NTAN1: variants seen among roughly 807,000 people sequenced by gnomAD.
The protein encoded by NTAN1 is protein N-terminal asparagine amidohydrolase.
A neutral mutation model predicts 41.9 loss-of-function variants in NTAN1; 32 were observed. That is an observed-to-expected ratio of 0.76 (90% confidence interval 0.58 to 1.03). The LOEUF (loss-of-function observed/expected upper bound fraction) is 1.03. Ranked by LOEUF, NTAN1 falls within the 50% of genes least tolerant of loss-of-function variation. NTAN1 has a pLI of 0.00. For missense variants in NTAN1, 377 were observed against 377.5 expected (o/e 1.00, Z 0.01); for synonymous variants, 140 against 139.5 (o/e 1.00, Z -0.03).
chr16:15,041,862 C>G (rs1293971208), intron 5 of NTAN1, among the ~76,000 whole-genome samples, 186 bp from the exon 6 acceptor site: 1 of 152,216 alleles, frequency 6.6e-6, no homozygotes, highest in African/African-American at 2.4e-5. Context: ...CCACAGAACC[C>G]TGACCGCCAG....
intron 1 of NTAN1, among the ~76,000 whole-genome samples, chr16:15,053,561 T>C (rs970169828): frequency 6.6e-6 from 1 of 152,232 alleles, no homozygotes; most frequent in Non-Finnish European, 1.5e-5. Flanking sequence ...CATACTTTTT[T>C]TTCTGTATTA....
intron 1 of NTAN1, among the ~76,000 whole-genome samples, chr16:15,050,542 G>T (rs1478289654): frequency 1.3e-5 from 2 of 152,108 alleles, no homozygotes; most frequent in Non-Finnish European, 2.9e-5. Context: ...AAACCAGCCT[G>T]GGCAACAAGG....
intron 1 of NTAN1, among the ~76,000 whole-genome samples, chr16:15,050,731 CA>C (rs758597516): frequency 8.4e-4 from 109 of 129,598 alleles, no homozygotes; most frequent in Middle Eastern, 3.9e-3. Context: ...GACCCTGCCT[CA>C]AAAAAAAAAA....
intron 4 of NTAN1, 116 bp from the exon 5 acceptor site, chr16:15,044,523 A>G (rs979987409): frequency 2.7e-6 from 2 of 736,158 alleles, no homozygotes; most frequent in Non-Finnish European, 4.8e-6. Flanking sequence ...GCAGAGCTGC[A>G]GGTCATCTTC....
chr16:15,038,754 C>T (rs953522416), intron 8 of NTAN1, 67 bp from the exon 9 acceptor site: 18 of 830,786 alleles, frequency 2.2e-5, no homozygotes, highest in Non-Finnish European at 2.9e-5. Context: ...CTCCCAGTAA[C>T]GCAAGCTCCA....
rs746080236 is a variant in NTAN1, at chr16:15,048,007, G to A, written c.174C>T (p.Ser58=). 6.2e-7 allele frequency: 1 copy of A among 1,611,250 alleles called. No individual in the cohort carries two copies. Among genetic ancestry groups the A allele is most frequent in the East Asian group, 2.2e-5 (1 of 44,876 alleles). Residue 58 remains serine, a synonymous_variant, in exon 2 of 10, where the codon TCC becomes TCT. Transcript: ENST00000287706. The part of the protein sequence containing the change: ...YVQQRELAVT[S]PKDGSISILG... ...TGCTTCCTAACCTACCATCCTTTGG[G>A]GAGGTCACTGCAAGCTCTCTTTGCT...
chr16:15,048,589 C>T (rs1315731062), intron 1 of NTAN1, among the ~76,000 whole-genome samples: 2 of 152,088 alleles, frequency 1.3e-5, no homozygotes, highest in African/African-American at 2.4e-5. Context: ...TCAGATTACA[C>T]AGGAATAGTG....
At chr16:15,038,721 G>C in intron 8 of NTAN1, 34 bp from the exon 9 acceptor site, 1 of 1,208,450 alleles carries the variant, frequency 8.3e-7, no homozygotes, top group South Asian at 1.3e-5. Context: ...AGAATTTCAG[G>C]AATGTCACCC....
At chr16:15,048,851 T>C (rs1254113654) in intron 1 of NTAN1, among the ~76,000 whole-genome samples, 1 of 149,688 alleles carries the variant, frequency 6.7e-6, no homozygotes, top group Non-Finnish European at 1.5e-5. Flanking sequence ...CTCAAACTCC[T>C]GGGCTCAAGC....
intron 1 of NTAN1, among the ~76,000 whole-genome samples, chr16:15,050,378 T>A (rs2044247881): frequency 6.6e-6 from 1 of 152,216 alleles, no homozygotes; most frequent in Non-Finnish European, 1.5e-5. Flanking sequence ...GTCTTAGTCT[T>A]CTATCAGCTT....
At chr16:15,038,285 C>G (rs753980654) in intron 9 of NTAN1, 75 bp from the exon 10 acceptor site, 7 of 1,069,510 alleles carry the variant, frequency 6.5e-6, no homozygotes, top group Non-Finnish European at 9.6e-6. Flanking sequence ...GTCAAAGTAT[C>G]TTTGTTCTTG....
chr16:15,048,394 G>C (rs989740991), intron 1 of NTAN1, among the ~76,000 whole-genome samples: 1 of 152,126 alleles, frequency 6.6e-6, no homozygotes, highest in Non-Finnish European at 1.5e-5. Context: ...TTGTTTGTTT[G>C]TTTTTTAAAG....
chr16:15,041,054 T>A lies in NTAN1; in HGVS notation c.541+14A>T. 2 of 1,579,582 alleles carry A rather than the reference T, an allele frequency of 1.3e-6. No homozygotes were observed. Among genetic ancestry groups the A allele is most frequent in the East Asian group, 2.2e-5 (1 of 44,750 alleles). The stretch of plus-strand genomic sequence containing the variant: ...GACCAAGACTCCAACCCACAAAAGA[T>A]GCACACTACTTACCAATGCCATATA... On this transcript the variant is annotated intron_variant, in intron 7 of 9. Coordinates refer to ENST00000287706, the MANE Select transcript of NTAN1 (RefSeq NM_173474.4).
At chr16:15,045,855 CT>C (rs1378380357) in intron 4 of NTAN1, 2 of 152,242 alleles carry the variant, frequency 1.3e-5, no homozygotes, top group African/African-American at 2.4e-5. Context: ...GACACAAAAT[CT>C]TCCTAAGGGA....
chr16:15,039,233 T>C (rs2043693290), intron 8 of NTAN1, among the ~76,000 whole-genome samples: 2 of 152,192 alleles, frequency 1.3e-5, no homozygotes, highest in Admixed American at 1.3e-4. Context: ...CACTGAAATA[T>C]GTTCTGAATA....
intron 5 of NTAN1, 143 bp downstream of exon 5, chr16:15,044,191 C>T (rs555437995): frequency 2.8e-4 from 176 of 626,750 alleles, no homozygotes; most frequent in Non-Finnish European, 4.8e-4. Flanking sequence ...TGTGAAATTC[C>T]AAGCTGGGCA....
chr16:15,052,179 T>TA (rs2044319210), intron 1 of NTAN1, among the ~76,000 whole-genome samples: 1 of 152,242 alleles, frequency 6.6e-6, no homozygotes, highest in African/African-American at 2.4e-5. Flanking sequence ...TCAACTCTGC[T>TA]GTTATTATGA....
At chr16:15,049,067 T>C (rs1034841678) in intron 1 of NTAN1, among the ~76,000 whole-genome samples, 1 of 147,458 alleles carries the variant, frequency 6.8e-6, no homozygotes, top group Non-Finnish European at 1.5e-5. Context: ...CTGAGTTTTA[T>C]ACTTTTTGTA....
At chr16:15,045,674 A>G (rs1016773360) in intron 4 of NTAN1, 2 of 152,332 alleles carry the variant, frequency 1.3e-5, no homozygotes, top group Non-Finnish European at 1.5e-5. Flanking sequence ...TAGGAGTCAC[A>G]CTGCGCATTG....
Sources: allele counts gnomAD v4.1 joint callset (sites outside exome capture counted in the v4.1 genomes callset), GRCh38; gene constraint gnomAD v4.1.1; transcripts MANE v1.5; gene names NCBI Gene and HGNC (gene_info 2026-07-23, HGNC 2026-07-21).